The following GABRB1 variants were observed in gnomAD, a reference collection of about 807,000 sequenced individuals.
The protein encoded by GABRB1 is gamma-aminobutyric acid receptor subunit beta-1.
A neutral mutation model predicts 51.6 loss-of-function variants in GABRB1; 17 were observed. The ratio of observed to expected loss-of-function variants is 0.33; its 90% CI spans 0.23 to 0.49. The LOEUF is 0.49. GABRB1 is among the 20% of genes least tolerant of loss of function. The probability of loss-of-function intolerance (pLI) is 0.99; values close to 1 mark genes in which losing one functional copy is unlikely to be tolerated. For synonymous variants in GABRB1, 247 were observed against 218.9 expected (o/e 1.13, Z -1.14); for missense variants, 410 against 600.6 (o/e 0.68, Z 3.32).
chr4:47,006,359 C>A (rs1321085303), intron 1 of GABRB1, among the ~76,000 whole-genome samples: 4 of 152,038 alleles, frequency 2.6e-5, no homozygotes, highest in Non-Finnish European at 2.9e-5. Context: ...ATACAGAGTG[C>A]ATATTCCCAC....
At chr4:47,320,014 A>G (rs951887574) in intron 4 of GABRB1, 113 bp from the exon 5 acceptor site, 2 of 749,272 alleles carry the variant, frequency 2.7e-6, no homozygotes, top group African/African-American at 1.7e-5. Context: ...ATCTCACAAA[A>G]TTTTGATGCC....
chr4:47,029,354 T>C (rs1443813746), upstream of GABRB1, among the ~76,000 whole-genome samples: 1 of 151,970 alleles, frequency 6.6e-6, no homozygotes, highest in African/African-American at 2.4e-5. Flanking sequence ...ATCTCATGAG[T>C]TTAAAATAGT....
chr4:47,236,445 A>G (rs773709356), intron 4 of GABRB1, among the ~76,000 whole-genome samples: 10 of 152,192 alleles, frequency 6.6e-5, no homozygotes, highest in Admixed American at 1.3e-4. Flanking sequence ...ATCTCAGTGT[A>G]TTAATAAAGG....
At chr4:47,032,640 G>A in intron 3 of GABRB1, 156 bp downstream of exon 3, 1 of 752,616 alleles carries the variant, frequency 1.3e-6, no homozygotes, top group Non-Finnish European at 2.4e-6. Flanking sequence ...ACACCCGGTC[G>A]CCCCTGGTTT....
At chr4:47,360,128 A>AG (rs914364896) in intron 5 of GABRB1, among the ~76,000 whole-genome samples, 1 of 151,850 alleles carries the variant, frequency 6.6e-6, no homozygotes, top group African/African-American at 2.4e-5. Flanking sequence ...TTTAAAAAAA[A>AG]AAAAGATAAA....
At chr4:47,050,387 G>T (rs753082759) in intron 3 of GABRB1, among the ~76,000 whole-genome samples, 1 of 152,060 alleles carries the variant, frequency 6.6e-6, no homozygotes, top group African/African-American at 2.4e-5. Flanking sequence ...TGGAGAGTTA[G>T]TAGAAAGGAA....
At chr4:47,377,300 G>T (rs1418073449) in intron 5 of GABRB1, among the ~76,000 whole-genome samples, 1 of 152,140 alleles carries the variant, frequency 6.6e-6, no homozygotes, top group African/African-American at 2.4e-5. Context: ...GAATTGGTGG[G>T]TTCTTGGTCT....
At chr4:47,205,021 A>T (rs967348645) in intron 4 of GABRB1, among the ~76,000 whole-genome samples, 3 of 152,140 alleles carry the variant, frequency 2.0e-5, no homozygotes, top group African/African-American at 7.2e-5. Flanking sequence ...GCTTCTGTGC[A>T]TTCCCTCCAA....
At chr4:47,259,906 G>C (rs1402072174) in intron 4 of GABRB1, among the ~76,000 whole-genome samples, 1 of 152,154 alleles carries the variant, frequency 6.6e-6, no homozygotes, top group Non-Finnish European at 1.5e-5. Context: ...TCGTTGATCT[G>C]TCTGATGTTG....
intron 4 of GABRB1, among the ~76,000 whole-genome samples, chr4:47,162,188 A>G (rs1717986719): frequency 6.6e-6 from 1 of 152,094 alleles, no homozygotes; most frequent in African/African-American, 2.4e-5. Context: ...GAGTCTATTG[A>G]TAGCCACAAC....
intron 5 of GABRB1, among the ~76,000 whole-genome samples, chr4:47,371,336 A>G (rs935169309): frequency 2.6e-5 from 4 of 152,122 alleles, no homozygotes; most frequent in African/African-American, 9.7e-5. Flanking sequence ...CCAGTCTATC[A>G]CTGATGAACA....
intron 3 of GABRB1, among the ~76,000 whole-genome samples, chr4:47,044,427 T>C (rs1725996423): frequency 6.6e-6 from 1 of 152,080 alleles, no homozygotes; most frequent in African/African-American, 2.4e-5. Context: ...CACTTTAAGA[T>C]GTCAGGATGA....
rs184203438 is a variant in GABRB1, at chr4:47,008,622, C to A, written c.-20+14696C>A. ...GGATTACAGGCTCCCGCCACCACACCCAGCTAATTTTTTTTTTTTTTTTTT... is the reference window on the plus strand; with the variant it reads ...GGATTACAGGCTCCCGCCACCACACACAGCTAATTTTTTTTTTTTTTTTTT... On this transcript the variant is annotated intron_variant, in intron 1 of 3. Coordinates refer to the GABRB1 transcript ENST00000513567. Among the ~76,000 whole-genome samples the A allele has an allele frequency of 3.7e-3, 548 of 147,664 alleles. 4 individuals carry two copies. Among genetic ancestry groups the A allele is most frequent in the Middle Eastern group, 0.014 (4 of 286 alleles).
chr4:47,165,049 A>T (rs1363167778), intron 4 of GABRB1, among the ~76,000 whole-genome samples: 2 of 152,034 alleles, frequency 1.3e-5, no homozygotes, highest in Admixed American at 6.6e-5. Flanking sequence ...GTGTTAGGAG[A>T]CCAGAACTTT....
intron 3 of GABRB1, among the ~76,000 whole-genome samples, chr4:47,143,973 A>C (rs2109698977): frequency 6.6e-6 from 1 of 152,070 alleles, no homozygotes; most frequent in East Asian, 1.9e-4. Flanking sequence ...GTGCTGAAAA[A>C]GTATTTCTAA....
chr4:47,003,414 C>T (rs1207405873), intron 1 of GABRB1, among the ~76,000 whole-genome samples: 1 of 152,076 alleles, frequency 6.6e-6, no homozygotes, highest in African/African-American at 2.4e-5. Context: ...GACCCAAGTC[C>T]TAAGCATTTA....
intron 4 of GABRB1, among the ~76,000 whole-genome samples, chr4:47,200,460 A>G (rs1361541328): frequency 1.3e-5 from 2 of 152,168 alleles, no homozygotes; most frequent in Non-Finnish European, 2.9e-5. Context: ...CAATAAATAT[A>G]TAGTTTTTGT....
intron 4 of GABRB1, among the ~76,000 whole-genome samples, chr4:47,314,746 A>G (rs950177302): frequency 6.6e-6 from 1 of 152,040 alleles, no homozygotes; most frequent in African/African-American, 2.4e-5. Flanking sequence ...AGCCATATCC[A>G]GAAGATTGAA....
At chr4:47,276,426 T>A (rs1451414537) in intron 4 of GABRB1, among the ~76,000 whole-genome samples, 1 of 152,136 alleles carries the variant, frequency 6.6e-6, no homozygotes, top group East Asian at 1.9e-4. Context: ...AAGAGTGGCT[T>A]AGATACCTGA....
Sources: allele counts gnomAD v4.1 joint callset (sites outside exome capture counted in the v4.1 genomes callset), GRCh38; gene constraint gnomAD v4.1.1; transcripts MANE v1.5; gene names NCBI Gene and HGNC (gene_info 2026-07-23, HGNC 2026-07-21).